UBE2R2: variants seen among roughly 807,000 people sequenced by gnomAD.
UBE2R2 encodes the protein ubiquitin-conjugating enzyme E2 R2.
Under a neutral mutation model 27.8 loss-of-function variants are expected in UBE2R2, and 1 was observed. The observed-to-expected ratio is 0.04, with a 90% CI of 0.01 to 0.17. UBE2R2 has a LOEUF of 0.17. UBE2R2 is among the 10% of genes least tolerant of loss of function. The pLI, the probability that UBE2R2 is intolerant of heterozygous loss-of-function variation, is 1.00. For synonymous variants in UBE2R2, 106 were observed against 113.3 expected, an observed-to-expected ratio of 0.94 and a Z score of 0.41; for missense variants, 100 against 291.0, an observed-to-expected ratio of 0.34 and a Z score of 4.78.
At chr9:33,857,610 C>T (rs1241665840) in intron 1 of UBE2R2, among the ~76,000 whole-genome samples, 1 of 152,144 alleles carries the variant, frequency 6.6e-6, no homozygotes, top group African/African-American at 2.4e-5. Flanking sequence ...GCCACCGTGA[C>T]CAAGTGTTGA....
At chr9:33,893,437 T>TA (rs1202530729) in intron 2 of UBE2R2, among the ~76,000 whole-genome samples, 3 of 152,152 alleles carry the variant, frequency 2.0e-5, no homozygotes, top group Non-Finnish European at 4.4e-5. Flanking sequence ...ATTATATAGA[T>TA]ATACCACAAT....
intron 1 of UBE2R2, among the ~76,000 whole-genome samples, chr9:33,833,001 C>CA (rs1479599706): frequency 1.8e-4 from 27 of 151,824 alleles, no homozygotes; most frequent in African/African-American, 6.0e-4. Flanking sequence ...TCTGAGGACT[C>CA]AGAGTTATTA....
At chr9:33,855,492 CTGTT>C (rs532835633) in intron 1 of UBE2R2, among the ~76,000 whole-genome samples, 36 of 152,206 alleles carry the variant, frequency 2.4e-4, no homozygotes, top group African/African-American at 7.7e-4. Context: ...TTCAGCTACT[CTGTT>C]TGGTTATGTA....
intron 1 of UBE2R2, among the ~76,000 whole-genome samples, chr9:33,831,745 C>T (rs976420860): frequency 2.6e-5 from 4 of 152,046 alleles, no homozygotes; most frequent in Non-Finnish European, 4.4e-5. Flanking sequence ...CTGCAAGTTT[C>T]GCTTCCCAGG....
chr9:33,817,757 G>T lies in UBE2R2; in HGVS notation c.-1G>T. 1.3e-6 allele frequency: 2 copies of T among 1,539,446 alleles called. No individual in the cohort carries two copies. The highest frequency in any genetic ancestry group is 2.7e-5 in the East Asian group (1 of 37,272). On this transcript the variant is annotated 5_prime_UTR_variant, in exon 1 of 5. Coordinates refer to ENST00000263228, the MANE Select transcript of UBE2R2 (RefSeq NM_017811.4). ...GCGCCGCCGCCGCCGCCGCCGCCGC[G>T]ATGGCCCAGCAGCAGATGACCAGCT...
rs142567759 is a variant in UBE2R2 at position 33,892,839 on chromosome 9, T to C, written c.264+5872T>C. On this transcript the variant is annotated intron_variant, in intron 2 of 4. Coordinates refer to ENST00000263228, the MANE Select transcript of UBE2R2 (RefSeq NM_017811.4). ...AAATTTTTATTTAATTGGATTTGGA[T>C]GGGGTGTAGGCTAGATAATTCTTCA... Among the ~76,000 whole-genome samples, 318 of 152,254 alleles carry C rather than the reference T, an allele frequency of 2.1e-3. 1 individual carries two copies. Among genetic ancestry groups the C allele is most frequent in the Non-Finnish European group, 3.8e-3 (257 of 68,008 alleles).
At chr9:33,907,797 G>C (rs764949100) in intron 3 of UBE2R2, among the ~76,000 whole-genome samples, 91 of 151,962 alleles carry the variant, frequency 6.0e-4, no homozygotes, top group Non-Finnish European at 1.5e-4. Flanking sequence ...AAAAAAATGA[G>C]CTAGCAGTTG....
At chr9:33,871,839 T>C (rs778714949) in intron 1 of UBE2R2, among the ~76,000 whole-genome samples, 3 of 152,110 alleles carry the variant, frequency 2.0e-5, no homozygotes, top group Non-Finnish European at 2.9e-5. Context: ...GCCTCCTGAG[T>C]AGCTGGGACT....
chr9:33,821,640 G>A (rs1275377020), intron 1 of UBE2R2, among the ~76,000 whole-genome samples: 2 of 149,766 alleles, frequency 1.3e-5, no homozygotes, highest in Non-Finnish European at 3.0e-5. Context: ...TTTTTGAGAT[G>A]GAGTCTCACT....
chr9:33,909,186 C>A (rs531121067), intron 3 of UBE2R2, among the ~76,000 whole-genome samples: 1 of 152,066 alleles, frequency 6.6e-6, no homozygotes, highest in East Asian at 1.9e-4. Context: ...CTGATCTAGA[C>A]AATTAAACCT....
chr9:33,842,154 C>CT (rs1369814609), intron 1 of UBE2R2, among the ~76,000 whole-genome samples: 1 of 152,112 alleles, frequency 6.6e-6, no homozygotes, highest in Non-Finnish European at 1.5e-5. Context: ...AATCCCAGCA[C>CT]TTTGGAAGGC....
intron 1 of UBE2R2, among the ~76,000 whole-genome samples, chr9:33,850,745 CAT>C (rs749276015): frequency 5.3e-5 from 8 of 152,130 alleles, no homozygotes; most frequent in Non-Finnish European, 1.0e-4. Context: ...TTAAGAGTAA[CAT>C]GTGGTGTAAG....
chr9:33,898,000 C>T (rs1822159235), intron 2 of UBE2R2, among the ~76,000 whole-genome samples: 2 of 151,940 alleles, frequency 1.3e-5, no homozygotes, highest in South Asian at 4.2e-4. Flanking sequence ...GTCTCGAACT[C>T]CTGACCTCAG....
intron 3 of UBE2R2, among the ~76,000 whole-genome samples, chr9:33,900,956 T>C (rs1822232097): frequency 6.6e-6 from 1 of 152,160 alleles, no homozygotes; most frequent in South Asian, 2.1e-4. Context: ...TTTCTGTCTG[T>C]GTCTCTGTCT....
At chr9:33,838,381 C>CAT (rs566486098) in intron 1 of UBE2R2, among the ~76,000 whole-genome samples, 94 of 149,280 alleles carry the variant, frequency 6.3e-4, no homozygotes, top group Non-Finnish European at 1.2e-3. Flanking sequence ...TATGTATGTA[C>CAT]ATATATATAT....
chr9:33,857,701 G>A (rs1056494827), intron 1 of UBE2R2, among the ~76,000 whole-genome samples: 4 of 152,172 alleles, frequency 2.6e-5, no homozygotes, highest in Non-Finnish European at 4.4e-5. Flanking sequence ...GGTTAATAAC[G>A]TTACTGTAGA....
intron 2 of UBE2R2, among the ~76,000 whole-genome samples, chr9:33,887,300 T>C (rs1015035461): frequency 1.3e-5 from 2 of 152,246 alleles, no homozygotes; most frequent in Admixed American, 1.3e-4. Context: ...TTTGTGTGCC[T>C]ATCCTCTAAC....
At chr9:33,821,736 C>T (rs1159845772) in intron 1 of UBE2R2, among the ~76,000 whole-genome samples, 1 of 151,940 alleles carries the variant, frequency 6.6e-6, no homozygotes, top group African/African-American at 2.4e-5. Context: ...TTGCCTCAGC[C>T]TCCCGAGTAG....
chr9:33,863,569 G>T (rs1223574631), intron 1 of UBE2R2, among the ~76,000 whole-genome samples: 1 of 151,600 alleles, frequency 6.6e-6, no homozygotes, highest in Non-Finnish European at 1.5e-5. Context: ...TGTTTTTCGT[G>T]AAAAATTTAG....
Sources: gnomAD v4.1 joint callset for allele counts (sites outside exome capture counted in the v4.1 genomes callset) on GRCh38, gnomAD v4.1.1 for gene constraint, MANE v1.5 for transcripts, NCBI Gene and HGNC (gene_info 2026-07-23, HGNC 2026-07-21) for gene names.